Variants in PACSIN2 observed in about 807,000 individuals in gnomAD.
PACSIN2 encodes the protein protein kinase C and casein kinase substrate in neurons 2.
Under a neutral mutation model 63.8 loss-of-function variants are expected in PACSIN2, and 25 were observed. That is an observed-to-expected ratio of 0.39 (90% CI 0.29 to 0.55). The LOEUF is 0.55. PACSIN2 is among the 20% of genes least tolerant of loss of function. PACSIN2 has a pLI of 0.62. For synonymous variants in PACSIN2, 255 were observed against 256.2 expected (o/e 1.00, Z 0.05); for missense variants, 518 against 646.9 (o/e 0.80, Z 2.16).
intron 1 of PACSIN2, among the ~76,000 whole-genome samples, chr22:43,010,578 C>T (rs952819546): frequency 4.1e-4 from 62 of 151,928 alleles, no homozygotes; most frequent in Non-Finnish European, 7.4e-4. Context: ...AGTGTGGCGG[C>T]GGGCGCCTGT....
At chr22:42,893,788 T>C (rs1323969627) in intron 2 of PACSIN2, among the ~76,000 whole-genome samples, 175 bp from the exon 3 acceptor site, 1 of 152,200 alleles carries the variant, frequency 6.6e-6, no homozygotes, top group East Asian at 1.9e-4. Flanking sequence ...GCCTCTCTAT[T>C]TTTATTATTA....
At chr22:42,999,011 C>T (rs944169148) in intron 1 of PACSIN2, among the ~76,000 whole-genome samples, 1 of 152,216 alleles carries the variant, frequency 6.6e-6, no homozygotes, top group African/African-American at 2.4e-5. Flanking sequence ...AATAAAATCC[C>T]GCATTCACCA....
rs568216950 is a variant in PACSIN2 at position 42,970,137 on chromosome 22, TC to T, written c.-78+44883del. 1.5e-4 allele frequency among the ~76,000 whole-genome samples: 23 copies of T among 152,228 alleles called. No individual in the cohort carries two copies. The East Asian group carries it at 4.4e-3, about 29-fold the overall frequency. On this transcript the variant is annotated intron_variant, in intron 1 of 10. Coordinates refer to ENST00000263246, the MANE Select transcript of PACSIN2 (RefSeq NM_001184970.3). ...GAGGCACAAAGCAAGCAGAGCAGGG[TC>T]CTGGCCTGAAGGGATCAGCAATCTT...
chr22:42,968,602 G>GT, intron 1 of PACSIN2, among the ~76,000 whole-genome samples: 2 of 152,318 alleles, frequency 1.3e-5, no homozygotes, highest in Non-Finnish European at 2.9e-5. Flanking sequence ...TGATTTTGGG[G>GT]TGTGTCCATG....
At chr22:42,920,400 C>T in intron 1 of PACSIN2, among the ~76,000 whole-genome samples, 1 of 152,196 alleles carries the variant, frequency 6.6e-6, no homozygotes, top group South Asian at 2.1e-4. Context: ...TTTCCCATCA[C>T]AATGGCAAAA....
At chr22:42,917,006 A>G (rs777965567) in intron 1 of PACSIN2, among the ~76,000 whole-genome samples, 70 of 152,140 alleles carry the variant, frequency 4.6e-4, no homozygotes, top group Non-Finnish European at 5.9e-4. Flanking sequence ...CCTTGCCACC[A>G]GCCCTCCCTT....
At chr22:43,009,433 G>A (rs1054535544) in intron 1 of PACSIN2, among the ~76,000 whole-genome samples, 12 of 152,242 alleles carry the variant, frequency 7.9e-5, no homozygotes, top group Admixed American at 3.3e-4. Context: ...TCACAGGTGA[G>A]AGGGAGCTTA....
At chr22:43,008,376 C>G (rs1924234904) in intron 1 of PACSIN2, among the ~76,000 whole-genome samples, 1 of 151,992 alleles carries the variant, frequency 6.6e-6, no homozygotes, top group African/African-American at 2.4e-5. Flanking sequence ...TCAGCCTCCC[C>G]AGTAGCTGGG....
intron 1 of PACSIN2, among the ~76,000 whole-genome samples, chr22:42,949,255 G>A (rs922232726): frequency 1.3e-5 from 2 of 152,202 alleles, no homozygotes; most frequent in African/African-American, 4.8e-5. Context: ...CATTGTATGT[G>A]AGTGCCTGAA....
chr22:43,013,350 A>G (rs1924627155), intron 1 of PACSIN2, among the ~76,000 whole-genome samples: 1 of 152,218 alleles, frequency 6.6e-6, no homozygotes, highest in South Asian at 2.1e-4. Flanking sequence ...CAAAAGAAAA[A>G]CACACCAATG....
At chr22:42,880,312 A>G (rs917149478) in intron 7 of PACSIN2, among the ~76,000 whole-genome samples, 7 of 152,260 alleles carry the variant, frequency 4.6e-5, no homozygotes, top group Non-Finnish European at 8.8e-5. Flanking sequence ...AATCTGGGTC[A>G]CCTTTTCATC....
Position 42,871,249 on chromosome 22 carries a change from A to T in PACSIN2, c.*108T>A, listed in dbSNP as rs1928087226. 2.8e-6 allele frequency: 2 copies of T among 724,550 alleles called. No individual in the cohort carries two copies. Among genetic ancestry groups the T allele is most frequent in the East Asian group, 5.3e-5 (2 of 37,988 alleles). The allele number at this position is 724,550 out of a possible 1,614,324, so 44.9% of individuals were successfully genotyped here. A position where few individuals can be genotyped will look rare whatever the true frequency, so the allele number is the denominator to read the frequency against. On this transcript the variant is annotated 3_prime_UTR_variant, in exon 11 of 11. Transcript: ENST00000263246. This position sits in a 1 kb window ranked among gnomAD's most constrained non-coding sequence, Gnocchi z 5.4. ...CTTCCAGGAACACCATGAAGCCAAG[A>T]GCAATGGAACCATCATCTCTTGCAG...
At chr22:42,916,896 CG>C (rs1931847902) in intron 1 of PACSIN2, among the ~76,000 whole-genome samples, 1 of 152,198 alleles carries the variant, frequency 6.6e-6, no homozygotes, top group South Asian at 2.1e-4. Context: ...CGAAGGTACT[CG>C]GAAATGTTGG....
intron 1 of PACSIN2, among the ~76,000 whole-genome samples, chr22:42,945,242 G>T (rs912676692): frequency 6.6e-6 from 1 of 152,004 alleles, no homozygotes; most frequent in Non-Finnish European, 1.5e-5. Context: ...AGTGGGGGAC[G>T]AGGGCAAGAG....
At position 42,884,463 on chromosome 22, in the gene PACSIN2, G is replaced by A. The variant is rs377591263; in HGVS notation, c.708C>T (p.Phe236=). 5.3e-5 allele frequency: 85 copies of A among 1,614,050 alleles called. No homozygotes were observed. Among genetic ancestry groups the A allele is most frequent in the Non-Finnish European group, 5.8e-5 (69 of 1,180,020 alleles). ...MEQVFEQCQQ[F]EEKRLRFFRE... The stretch of plus-strand genomic sequence containing the variant: ...GGAAGAAGCGAAGGCGTTTCTCCTC[G>A]AACTGCTGGCACTGCTCAAACACCT... The change falls in exon 6 of 11, where the codon TTC becomes TTT. Residue 236 remains phenylalanine (F), a synonymous_variant. Coordinates refer to ENST00000263246, the MANE Select transcript of PACSIN2 (RefSeq NM_001184970.3).
chr22:42,924,676 G>GA (rs1251944857), intron 1 of PACSIN2, among the ~76,000 whole-genome samples: 2 of 151,948 alleles, frequency 1.3e-5, no homozygotes, highest in Non-Finnish European at 2.9e-5. Flanking sequence ...CAGGCACAGT[G>GA]AATGTGCTCG....
intron 1 of PACSIN2, among the ~76,000 whole-genome samples, chr22:42,981,323 C>A (rs1331784418): frequency 7.1e-6 from 1 of 141,624 alleles, no homozygotes; most frequent in African/African-American, 2.7e-5. Flanking sequence ...AGCGTCTCCG[C>A]CCGGCAGCCA....
At chr22:42,905,752 T>C (rs1457521452) in intron 2 of PACSIN2, among the ~76,000 whole-genome samples, 1 of 152,224 alleles carries the variant, frequency 6.6e-6, no homozygotes, top group Non-Finnish European at 1.5e-5. Flanking sequence ...CAAAATAAAC[T>C]GCCCGGCTGG....
intron 1 of PACSIN2, among the ~76,000 whole-genome samples, chr22:42,973,866 C>G (rs1273042805): frequency 6.6e-6 from 1 of 152,214 alleles, no homozygotes; most frequent in African/African-American, 2.4e-5. Context: ...AAGAGAAAAG[C>G]CCACGAGAGA....
Sources: gnomAD v4.1 joint callset for allele counts (sites outside exome capture counted in the v4.1 genomes callset) on GRCh38, gnomAD v4.1.1 for gene constraint, Gnocchi (gnomAD v3.1) non-coding constraint, MANE v1.5 for transcripts, NCBI Gene and HGNC (gene_info 2026-07-23, HGNC 2026-07-21) for gene names.